SNTG1: variants seen among roughly 807,000 people sequenced by gnomAD.
SNTG1 encodes the protein gamma-1-syntrophin.
Under a neutral mutation model 74.7 loss-of-function variants are expected in SNTG1, and 39 were observed. The ratio of observed to expected loss-of-function variants is 0.52; its 90% CI spans 0.40 to 0.68. The LOEUF (loss-of-function observed/expected upper bound fraction) is 0.68, where lower values mean the gene tolerates loss of function less well. SNTG1 is among the 30% of genes least tolerant of loss of function. The pLI, the probability that SNTG1 is intolerant of heterozygous loss-of-function variation, is 0.00. For synonymous variants in SNTG1, 254 were observed against 217.1 expected (o/e 1.17, Z -1.49); for missense variants, 685 against 609.5 (o/e 1.12, Z -1.30).
intron 17 of SNTG1, among the ~76,000 whole-genome samples, chr8:50,729,615 A>G (rs1381598888): frequency 1.3e-5 from 2 of 151,802 alleles, no homozygotes; most frequent in Non-Finnish European, 2.9e-5. Context: ...TGTATTGAGA[A>G]CTACACCTAG....
At chr8:50,403,868 T>C (rs774505186) in intron 4 of SNTG1, among the ~76,000 whole-genome samples, 22 of 152,196 alleles carry the variant, frequency 1.4e-4, no homozygotes, top group Non-Finnish European at 1.6e-4. Context: ...TTAGTTAACA[T>C]TGAACATTTT....
chr8:50,557,918 G>A (rs1485830865), intron 12 of SNTG1, among the ~76,000 whole-genome samples: 3 of 152,112 alleles, frequency 2.0e-5, no homozygotes, highest in Non-Finnish European at 2.9e-5. Context: ...CATTGCTTGG[G>A]GTGGGCCCAG....
chr8:50,736,150 C>T (rs1040437877), intron 17 of SNTG1, among the ~76,000 whole-genome samples: 9 of 151,912 alleles, frequency 5.9e-5, no homozygotes, highest in Admixed American at 2.6e-4. Flanking sequence ...AAAAACAGTA[C>T]CAGCCACTGC....
At chr8:50,149,372 C>T (rs184349251) in intron 1 of SNTG1, among the ~76,000 whole-genome samples, 38 of 152,290 alleles carry the variant, frequency 2.5e-4, no homozygotes, top group Admixed American at 2.0e-3. Flanking sequence ...GTTTCTTTTG[C>T]TGTGCAGAAG....
At chr8:50,255,584 G>T (rs1195599164) in intron 2 of SNTG1, among the ~76,000 whole-genome samples, 1 of 152,144 alleles carries the variant, frequency 6.6e-6, no homozygotes, top group Non-Finnish European at 1.5e-5. Flanking sequence ...GCTTCCGGTG[G>T]TTTGCTGGCA....
At chr8:50,028,712 C>G (rs1440125600) in intron 1 of SNTG1, among the ~76,000 whole-genome samples, 5 of 151,948 alleles carry the variant, frequency 3.3e-5, no homozygotes, top group Non-Finnish European at 7.4e-5. Context: ...GCATATTGTG[C>G]ACATGTACCC....
chr8:50,280,715 G>A (rs552177299), intron 2 of SNTG1, among the ~76,000 whole-genome samples: 6 of 152,154 alleles, frequency 3.9e-5, no homozygotes, highest in Non-Finnish European at 8.8e-5. Context: ...CAGTAGAAAG[G>A]AGTGTCTCAG....
Position 50,502,877 on chromosome 8 carries a change from G to A in SNTG1, c.463G>A (p.Ala155Thr). ...FLKLPLNEDCACAPSDQSSGT... is the reference protein window; with the variant it reads ...FLKLPLNEDCTCAPSDQSSGT... ...CAAACTCCCATTGAATGAAGATTGT[G>A]CATGTAAGCATTTATAAAGAATAGA... The change falls in exon 9 of 19, where the codon GCA becomes ACA. Residue 155 changes from alanine to threonine, a missense_variant. Coordinates refer to ENST00000642720, the MANE Select transcript of SNTG1 (RefSeq NM_018967.5). 2 of 1,609,526 alleles carry A rather than the reference G, an allele frequency of 1.2e-6. No individual in the cohort carries two copies. The highest frequency in any genetic ancestry group is 8.5e-7 in the Non-Finnish European group (1 of 1,176,594).
At chr8:49,994,865 A>G (rs568770097) in intron 1 of SNTG1, among the ~76,000 whole-genome samples, 1 of 152,262 alleles carries the variant, frequency 6.6e-6, no homozygotes, top group Admixed American at 6.5e-5. Context: ...CATTTCATTT[A>G]GAATCATCCC....
chr8:50,321,809 T>A (rs1037476099), intron 2 of SNTG1, among the ~76,000 whole-genome samples: 11 of 152,258 alleles, frequency 7.2e-5, no homozygotes, highest in Non-Finnish European at 1.6e-4. Flanking sequence ...AGAAAACTAA[T>A]ATAAACTGTA....
intron 1 of SNTG1, among the ~76,000 whole-genome samples, chr8:50,128,804 T>G (rs1443388914): frequency 5.3e-5 from 8 of 152,064 alleles, no homozygotes; most frequent in African/African-American, 1.9e-4. Flanking sequence ...AATAGAAAAT[T>G]ATCTATATGC....
intron 1 of SNTG1, among the ~76,000 whole-genome samples, chr8:50,112,800 C>T (rs2080652591): frequency 6.6e-6 from 1 of 152,084 alleles, no homozygotes; most frequent in African/African-American, 2.4e-5. Context: ...TGAGCCACTG[C>T]ATCTGGCCCA....
chr8:50,628,926 C>A (rs1232718106), intron 13 of SNTG1, among the ~76,000 whole-genome samples: 1 of 152,124 alleles, frequency 6.6e-6, no homozygotes, highest in Non-Finnish European at 1.5e-5. Context: ...CTAGTGAATT[C>A]GTCTCTTGCT....
At chr8:50,740,433 C>T (rs556091467) in intron 17 of SNTG1, among the ~76,000 whole-genome samples, 2 of 149,792 alleles carry the variant, frequency 1.3e-5, no homozygotes, top group Admixed American at 6.7e-5. Flanking sequence ...GAGATACCAT[C>T]TCACACCTGC....
At chr8:50,719,925 T>A (rs1437283384) in intron 17 of SNTG1, among the ~76,000 whole-genome samples, 1 of 152,214 alleles carries the variant, frequency 6.6e-6, no homozygotes, top group Admixed American at 6.5e-5. Flanking sequence ...TCCTCTGAAT[T>A]TTTTAATATA....
intron 2 of SNTG1, among the ~76,000 whole-genome samples, chr8:50,352,753 G>T (rs776113618): frequency 1.3e-5 from 2 of 152,182 alleles, no homozygotes; most frequent in Non-Finnish European, 2.9e-5. Context: ...TTCAGAAGCA[G>T]TTGAAATTCT....
At chr8:50,202,006 T>C (rs1294959959) in intron 2 of SNTG1, among the ~76,000 whole-genome samples, 2 of 152,154 alleles carry the variant, frequency 1.3e-5, no homozygotes, top group Non-Finnish European at 2.9e-5. Flanking sequence ...AACACCTTTA[T>C]CAAATACAGC....
chr8:50,205,842 T>C (rs1303878372), intron 2 of SNTG1, among the ~76,000 whole-genome samples: 3 of 152,212 alleles, frequency 2.0e-5, no homozygotes, highest in Non-Finnish European at 4.4e-5. Context: ...CCCCATTTCT[T>C]GTTTTTGTCA....
At chr8:49,976,338 G>A (rs542780304) in intron 1 of SNTG1, among the ~76,000 whole-genome samples, 1 of 152,264 alleles carries the variant, frequency 6.6e-6, no homozygotes, top group South Asian at 2.1e-4. Flanking sequence ...GGATTGGATG[G>A]CAAGTCATCC....
Sources: allele counts gnomAD v4.1 joint callset (sites outside exome capture counted in the v4.1 genomes callset), GRCh38; gene constraint gnomAD v4.1.1; transcripts MANE v1.5; gene names NCBI Gene and HGNC (gene_info 2026-07-23, HGNC 2026-07-21).